Variants in XKR4 observed in about 807,000 individuals in gnomAD.
XKR4 encodes XK-related protein 4.
In XKR4, 12 loss-of-function variants were observed where a neutral mutation model predicts 53.9. The ratio of observed to expected loss-of-function variants is 0.22; its 90% CI spans 0.14 to 0.36. The LOEUF (loss-of-function observed/expected upper bound fraction) is 0.36. XKR4 is among the 10% of genes least tolerant of loss of function. The pLI, the probability that XKR4 is intolerant of heterozygous loss-of-function variation, is 1.00. For synonymous variants in XKR4, 354 were observed against 362.4 expected, an observed-to-expected ratio of 0.98 and a Z score of 0.26; for missense variants, 799 against 859.5, an observed-to-expected ratio of 0.93 and a Z score of 0.88.
chr8:55,213,881 T>TTTTTA (rs1817764996), intron 1 of XKR4, among the ~76,000 whole-genome samples: 3 of 129,800 alleles, frequency 2.3e-5, no homozygotes, highest in Admixed American at 1.6e-4. Context: ...TTTTTTTTTT[T>TTTTTA]TTGAGACGAG....
At chr8:55,199,800 C>T (rs1366346149) in intron 1 of XKR4, among the ~76,000 whole-genome samples, 2 of 152,188 alleles carry the variant, frequency 1.3e-5, no homozygotes, top group African/African-American at 4.8e-5. Context: ...TTATCCAAGG[C>T]TTATTACGTG....
intron 2 of XKR4, among the ~76,000 whole-genome samples, chr8:55,476,530 C>T (rs149246560): frequency 2.0e-5 from 3 of 148,378 alleles, no homozygotes; most frequent in Non-Finnish European, 3.0e-5. Flanking sequence ...GTACTGGGTT[C>T]ATCTCACTAG....
intron 1 of XKR4, among the ~76,000 whole-genome samples, chr8:55,125,294 G>T (rs185797257): frequency 6.6e-6 from 1 of 151,168 alleles, no homozygotes; most frequent in East Asian, 2.0e-4. Context: ...GTAGTGACAC[G>T]ATCTCAGCTC....
At chr8:55,256,452 C>G (rs776406399) in intron 1 of XKR4, among the ~76,000 whole-genome samples, 2 of 152,112 alleles carry the variant, frequency 1.3e-5, no homozygotes, top group African/African-American at 4.8e-5. Context: ...AACTGGAAAC[C>G]AAGGCATTGA....
chr8:55,303,049 G>A (rs556259958), intron 1 of XKR4, among the ~76,000 whole-genome samples: 8 of 152,322 alleles, frequency 5.3e-5, no homozygotes, highest in Admixed American at 2.0e-4. Flanking sequence ...TAGGAGTGGT[G>A]AGAGAAGGCA....
chr8:55,241,280 C>G (rs1818207250), intron 1 of XKR4, among the ~76,000 whole-genome samples: 1 of 152,188 alleles, frequency 6.6e-6, no homozygotes. Context: ...CCTCATAGAT[C>G]CCTATCCTCA....
intron 1 of XKR4, among the ~76,000 whole-genome samples, chr8:55,209,961 T>C (rs1260498543): frequency 6.6e-6 from 1 of 152,132 alleles, no homozygotes; most frequent in East Asian, 1.9e-4. Context: ...TACTTGTTTT[T>C]TGCAGACCTA....
intron 1 of XKR4, among the ~76,000 whole-genome samples, chr8:55,213,038 G>C (rs1477758575): frequency 6.6e-6 from 1 of 152,150 alleles, no homozygotes; most frequent in Non-Finnish European, 1.5e-5. Flanking sequence ...GGAATATCAG[G>C]ACACTCGTAA....
chr8:55,445,937 A>C (rs958732267), intron 2 of XKR4, among the ~76,000 whole-genome samples: 2 of 152,208 alleles, frequency 1.3e-5, no homozygotes, highest in Non-Finnish European at 2.9e-5. Flanking sequence ...TCCTAACAGA[A>C]AAGGCCTCCG....
At chr8:55,161,624 T>G (rs1476587764) in intron 1 of XKR4, 1 of 456,324 alleles carries the variant, frequency 2.2e-6, no homozygotes, top group Non-Finnish European at 4.4e-6. Flanking sequence ...TACCAACTTC[T>G]AATGTTGCAG....
At position 55,535,978 on chromosome 8, in the gene XKR4, T is replaced by C. The variant is rs993137774; in HGVS notation, c.*11751T>C. The C allele has an allele frequency of 6.6e-6, 1 of 152,230 alleles. No individual in the cohort carries two copies. Among genetic ancestry groups the C allele is most frequent in the African/African-American group, 2.4e-5 (1 of 41,458 alleles). 9.4% of individuals were successfully genotyped at this position (152,230 alleles called of 1,614,324 possible). A position where few individuals can be genotyped will look rare whatever the true frequency, so the allele number is the denominator to read the frequency against. On this transcript the variant is annotated 3_prime_UTR_variant, in exon 3 of 3. Coordinates refer to ENST00000327381, the MANE Select transcript of XKR4 (RefSeq NM_052898.2). ...AGGTATTGTAAGTTACCCTTGTTTG[T>C]AGAACATGAACCACTTAACCATCCC...
intron 2 of XKR4, among the ~76,000 whole-genome samples, chr8:55,522,509 T>G (rs1357486685): frequency 6.6e-6 from 1 of 152,192 alleles, no homozygotes; most frequent in East Asian, 1.9e-4. Flanking sequence ...GCATAAACTG[T>G]CTTTTGTGAA....
intron 1 of XKR4, among the ~76,000 whole-genome samples, chr8:55,140,755 C>T (rs1197187698): frequency 6.6e-6 from 1 of 152,136 alleles, no homozygotes; most frequent in Non-Finnish European, 1.5e-5. Flanking sequence ...GCCCATCCTG[C>T]GTTATGCTTG....
chr8:55,191,129 C>T (rs16921361), intron 1 of XKR4, among the ~76,000 whole-genome samples: 1 of 152,206 alleles, frequency 6.6e-6, no homozygotes, highest in Admixed American at 6.5e-5. Context: ...AATAGGAGGA[C>T]TTCTGAGGGA....
intron 1 of XKR4, among the ~76,000 whole-genome samples, chr8:55,254,002 G>A (rs1373233278): frequency 2.0e-5 from 3 of 151,896 alleles, no homozygotes; most frequent in Non-Finnish European, 4.4e-5. Context: ...TTATAGGCGC[G>A]AGCCACTGTG....
chr8:55,361,685 A>C (rs1047677751), intron 2 of XKR4, among the ~76,000 whole-genome samples: 4 of 152,074 alleles, frequency 2.6e-5, no homozygotes, highest in Non-Finnish European at 5.9e-5. Flanking sequence ...CATTAAAATT[A>C]AACAAGATTC....
intron 1 of XKR4, chr8:55,135,719 C>T (rs1165007798): frequency 4.4e-6 from 2 of 449,546 alleles, no homozygotes; most frequent in Non-Finnish European, 4.5e-6. Flanking sequence ...ACACCTTGTA[C>T]ACCTCCTCTG....
At chr8:55,129,609 C>T (rs1417072287) in intron 1 of XKR4, among the ~76,000 whole-genome samples, 1 of 152,068 alleles carries the variant, frequency 6.6e-6, no homozygotes, top group Non-Finnish European at 1.5e-5. Flanking sequence ...TGGACAGACT[C>T]GGGGTGAGAA....
At chr8:55,153,141 GC>G (rs944385832) in intron 1 of XKR4, among the ~76,000 whole-genome samples, 1 of 152,162 alleles carries the variant, frequency 6.6e-6, no homozygotes, top group African/African-American at 2.4e-5. Context: ...GTCCACACTT[GC>G]CACACACACA....
Sources: allele counts gnomAD v4.1 joint callset (sites outside exome capture counted in the v4.1 genomes callset), GRCh38; gene constraint gnomAD v4.1.1; transcripts MANE v1.5; gene names NCBI Gene and HGNC (gene_info 2026-07-23, HGNC 2026-07-21).